Variants in DLGAP2 observed in about 807,000 individuals in gnomAD.
DLGAP2 encodes DLG associated protein 2, also known as disks large-associated protein 2.
Under a neutral mutation model 100.3 loss-of-function variants are expected in DLGAP2, and 26 were observed. The ratio of observed to expected loss-of-function variants is 0.26; its 90% confidence interval spans 0.19 to 0.36. DLGAP2 has a LOEUF of 0.36. Among genes scored for constraint, DLGAP2 ranks in the 10% least tolerant of loss-of-function variants. The probability of loss-of-function intolerance (pLI) is 1.00; values close to 1 mark genes in which losing one functional copy is unlikely to be tolerated. For synonymous variants in DLGAP2, 886 were observed against 630.1 expected, an observed-to-expected ratio of 1.41 and a Z score of -6.08; for missense variants, 1,858 against 1,453.2, an observed-to-expected ratio of 1.28 and a Z score of -4.53.
intron 3 of DLGAP2, 89 bp downstream of exon 3, chr8:1,258,972 G>T: frequency 9.0e-7 from 1 of 1,112,980 alleles, no homozygotes; most frequent in South Asian, 4.6e-5. Flanking sequence ...AAACGTGTTG[G>T]AGAGAACCTT....
intron 3 of DLGAP2, among the ~76,000 whole-genome samples, chr8:1,352,132 C>T (rs1473160471): frequency 1.1e-5 from 1 of 88,414 alleles, no homozygotes; most frequent in Non-Finnish European, 2.4e-5. Flanking sequence ...AACGGCCGTG[C>T]GGGTCCTGAC....
chr8:751,034 C>T (rs1820776910), intron 1 of DLGAP2, among the ~76,000 whole-genome samples: 1 of 152,092 alleles, frequency 6.6e-6, no homozygotes, highest in African/African-American at 2.4e-5. Flanking sequence ...GCCACCCTCT[C>T]ACGGAAAGGA....
At chr8:1,206,749 C>T (rs186390302) in intron 2 of DLGAP2, among the ~76,000 whole-genome samples, 2 of 152,212 alleles carry the variant, frequency 1.3e-5, no homozygotes, top group Admixed American at 6.5e-5. Context: ...AACTGGTCTT[C>T]CGGGCCCTGC....
chr8:1,509,146 A>C (rs1283507988), intron 4 of DLGAP2, among the ~76,000 whole-genome samples: 2 of 152,024 alleles, frequency 1.3e-5, no homozygotes, highest in Middle Eastern at 3.4e-3. Flanking sequence ...TCCTGCCTAA[A>C]GCTGTAAAAC....
intron 2 of DLGAP2, among the ~76,000 whole-genome samples, chr8:1,168,516 A>G (rs1052913606): frequency 2.5e-4 from 37 of 147,264 alleles, no homozygotes; most frequent in African/African-American, 6.3e-4. Flanking sequence ...AAGTTTTCCT[A>G]TTTCTCCACA....
intron 2 of DLGAP2, among the ~76,000 whole-genome samples, chr8:1,146,837 G>T (rs13273811): frequency 0.4 from 60,702 of 152,114 alleles, 13,205 homozygotes; most frequent in Non-Finnish European, 0.49. Flanking sequence ...GCCTGTTTCA[G>T]GGCTGCCTAT....
At chr8:1,380,628 T>C (rs993737469) in intron 3 of DLGAP2, among the ~76,000 whole-genome samples, 5 of 152,070 alleles carry the variant, frequency 3.3e-5, no homozygotes, top group African/African-American at 2.4e-5. Flanking sequence ...CACATCTTAC[T>C]CCAAATTGCT....
At chr8:1,679,979 CAAAAAAAAAAAAAA>C (rs760100523) in intron 12 of DLGAP2, among the ~76,000 whole-genome samples, 14 of 63,528 alleles carry the variant, frequency 2.2e-4, no homozygotes, top group African/African-American at 8.2e-4. Context: ...GACTCTGTCT[CAAAAAAAAAAAAAA>C]AAAAAAAAAA....
intron 1 of DLGAP2, among the ~76,000 whole-genome samples, chr8:793,239 C>T (rs1795955116): frequency 6.6e-6 from 1 of 152,130 alleles, no homozygotes; most frequent in Non-Finnish European, 1.5e-5. Flanking sequence ...TATGTTTATT[C>T]CCACATAAAA....
At chr8:763,066 GA>G (rs953943458) in intron 1 of DLGAP2, among the ~76,000 whole-genome samples, 57 of 143,412 alleles carry the variant, frequency 4.0e-4, no homozygotes, top group South Asian at 1.1e-3. Flanking sequence ...AGGGATTGGA[GA>G]AAAAAAAAAA....
At chr8:1,215,285 C>A (rs993633791) in intron 2 of DLGAP2, among the ~76,000 whole-genome samples, 1 of 152,228 alleles carries the variant, frequency 6.6e-6, no homozygotes, top group African/African-American at 2.4e-5. Context: ...TACTAATTGT[C>A]TTCTTGACAT....
chr8:873,243 A>C (rs141079442), intron 1 of DLGAP2, among the ~76,000 whole-genome samples: 1 of 152,228 alleles, frequency 6.6e-6, no homozygotes, highest in Non-Finnish European at 1.5e-5. Context: ...TGAATGTTTT[A>C]GATTTTTTTG....
intron 2 of DLGAP2, among the ~76,000 whole-genome samples, chr8:910,865 G>A (rs1235427102): frequency 6.6e-6 from 1 of 152,092 alleles, no homozygotes; most frequent in Non-Finnish European, 1.5e-5. Flanking sequence ...GGATCGCCAA[G>A]CAGAGCAGGC....
chr8:1,184,524 T>C (rs1797458879), intron 2 of DLGAP2, among the ~76,000 whole-genome samples: 1 of 152,084 alleles, frequency 6.6e-6, no homozygotes. Flanking sequence ...CTCAGGGCAG[T>C]TGGAGGGAAA....
chr8:1,499,290 GCCCAT>G (rs1395763911), intron 3 of DLGAP2, among the ~76,000 whole-genome samples: 1 of 152,196 alleles, frequency 6.6e-6, no homozygotes, highest in Non-Finnish European at 1.5e-5. Context: ...GGTGATGTTG[GCCCAT>G]CCTTCAAGTC....
At chr8:1,100,588 A>G (rs936657353) in intron 2 of DLGAP2, among the ~76,000 whole-genome samples, 2 of 152,220 alleles carry the variant, frequency 1.3e-5, no homozygotes, top group African/African-American at 4.8e-5. Flanking sequence ...CTTCTCTGAT[A>G]CAGGGGAATT....
chr8:941,003 G>C (rs1424966192), intron 2 of DLGAP2, among the ~76,000 whole-genome samples: 1 of 152,180 alleles, frequency 6.6e-6, no homozygotes, highest in African/African-American at 2.4e-5. Flanking sequence ...CCCATCTACA[G>C]GTTTTGCAGG....
At chr8:1,696,255 C>T (rs1452932179) in intron 13 of DLGAP2, among the ~76,000 whole-genome samples, 1 of 152,204 alleles carries the variant, frequency 6.6e-6, no homozygotes, top group Admixed American at 6.5e-5. Flanking sequence ...AATCCCAGCA[C>T]TTTGGGAAGC....
At chr8:837,123 C>A (rs530003629) in intron 1 of DLGAP2, among the ~76,000 whole-genome samples, 1 of 152,350 alleles carries the variant, frequency 6.6e-6, no homozygotes, top group Non-Finnish European at 1.5e-5. Context: ...TCCATGTTCC[C>A]ATCTGTGACA....
Sources: gnomAD v4.1 joint callset for allele counts (sites outside exome capture counted in the v4.1 genomes callset) on GRCh38, gnomAD v4.1.1 for gene constraint, MANE v1.5 for transcripts, NCBI Gene and HGNC (gene_info 2026-07-23, HGNC 2026-07-21) for gene names.